Variants in BLTP1 observed in about 807,000 individuals in gnomAD.
The protein encoded by BLTP1 is fragile site-associated protein.
the BLTP1 span, chr4:122,182,672 C>T: frequency 5.1e-5 from 50 of 985,338 alleles, no homozygotes; most frequent in South Asian, 2.2e-3. Context: ...AAACCATGAC[C>T]CTGTTGGGAC....
the BLTP1 span, chr4:122,173,324 G>A: frequency 4.6e-6 from 1 of 219,042 alleles, no homozygotes; most frequent in Non-Finnish European, 7.7e-6. Flanking sequence ...GGTGCATCTG[G>A]TAAGGACCTT....
the BLTP1 span, chr4:122,152,886 G>C: frequency 1.7e-6 from 1 of 592,460 alleles, no homozygotes; most frequent in African/African-American, 2.0e-5. Context: ...GACTCGGCAG[G>C]AAGGACCGTG....
the BLTP1 span, chr4:122,334,372 C>T: frequency 1.2e-6 from 2 of 1,603,894 alleles, no homozygotes; most frequent in Admixed American, 3.3e-5. Flanking sequence ...ACGCTAAAGA[C>T]TGAATCACCT....
At chr4:122,348,171 G>C in the BLTP1 span, among the ~76,000 whole-genome samples, 1 of 152,106 alleles carries the variant, frequency 6.6e-6, no homozygotes, top group Non-Finnish European at 1.5e-5. Flanking sequence ...ACAAAAGACA[G>C]GCACCCCAAC....
chr4:122,289,186 G>A, the BLTP1 span: 1 of 1,604,288 alleles, frequency 6.2e-7, no homozygotes, highest in Non-Finnish European at 8.5e-7. Context: ...AATACAAAAA[G>A]TTTCTGGTAA....
At chr4:122,215,276 A>T in the BLTP1 span, 1 of 799,260 alleles carries the variant, frequency 1.3e-6, no homozygotes, top group Non-Finnish European at 1.5e-6. Context: ...ACCCAAGGGT[A>T]TCTTTTTTCT....
chr4:122,175,913 T>C, the BLTP1 span: 1 of 1,384,538 alleles, frequency 7.2e-7, no homozygotes, highest in Admixed American at 1.7e-5. Flanking sequence ...AGAAGCAACA[T>C]GGTGAGTTTT....
At chr4:122,276,719 A>G in the BLTP1 span, 5 of 915,718 alleles carry the variant, frequency 5.5e-6, no homozygotes, top group Admixed American at 6.2e-5. Flanking sequence ...GACTAGGCCA[A>G]TTCCGTAAAC....
At chr4:122,195,792 C>T in the BLTP1 span, 1 of 315,868 alleles carries the variant, frequency 3.2e-6, no homozygotes, top group African/African-American at 2.2e-5. Flanking sequence ...TTAACGGTAG[C>T]AAGTTAAAGT....
chr4:122,357,055 A>G, the BLTP1 span: 3 of 981,330 alleles, frequency 3.1e-6, no homozygotes, highest in Non-Finnish European at 3.6e-6. Context: ...ACTGCAAATC[A>G]AAGTGAAATG....
the BLTP1 span, chr4:122,189,678 C>G: frequency 1.1e-6 from 1 of 921,508 alleles, no homozygotes; most frequent in Non-Finnish European, 1.3e-6. Flanking sequence ...CGATTTCTCT[C>G]ATTCAAAACT....
At chr4:122,260,307 A>G in the BLTP1 span, among the ~76,000 whole-genome samples, 1 of 152,206 alleles carries the variant, frequency 6.6e-6, no homozygotes, top group African/African-American at 2.4e-5. Flanking sequence ...CTTAAACTGT[A>G]ATTATGTGGC....
At chr4:122,281,619 CAAATGAATTTCCTCAGCTACCAG>C in the BLTP1 span, 1 of 1,613,174 alleles carries the variant, frequency 6.2e-7, no homozygotes, top group Non-Finnish European at 8.5e-7. Flanking sequence ...CCTGTTGAAA[CAAATGAATTTCCTCAGCTACCAG>C]AAGGCTTAGA....
At chr4:122,199,321 G>GT in the BLTP1 span, 9 of 1,601,718 alleles carry the variant, frequency 5.6e-6, no homozygotes, top group Middle Eastern at 1.7e-4. Flanking sequence ...TTTTGTAATT[G>GT]TTTTCCTGGT....
At chr4:122,200,577 T>TCCAAA in the BLTP1 span, 1 of 469,964 alleles carries the variant, frequency 2.1e-6, no homozygotes, top group African/African-American at 4.3e-5. Context: ...AGACTCCGTC[T>TCCAAA]CAAAACAAAA....
At chr4:122,163,869 A>T in the BLTP1 span, among the ~76,000 whole-genome samples, 1 of 152,276 alleles carries the variant, frequency 6.6e-6, no homozygotes, top group African/African-American at 2.4e-5. Context: ...TTTTGATTCT[A>T]CTGTTGTTCC....
the BLTP1 span, among the ~76,000 whole-genome samples, chr4:122,288,098 G>A: frequency 6.6e-6 from 1 of 152,042 alleles, no homozygotes; most frequent in Non-Finnish European, 1.5e-5. Context: ...ATTTTACTAT[G>A]GCCTGAAATA....
At chr4:122,277,089 A>C in the BLTP1 span, 1 of 984,670 alleles carries the variant, frequency 1.0e-6, no homozygotes, top group Non-Finnish European at 1.2e-6. Context: ...TTTATATTAG[A>C]AGTTATTGGA....
At chr4:122,218,470 C>G in the BLTP1 span, among the ~76,000 whole-genome samples, 1 of 152,170 alleles carries the variant, frequency 6.6e-6, no homozygotes, top group African/African-American at 2.4e-5. Flanking sequence ...AACTGTATGA[C>G]TTTAAGCCCT....
Sources: gnomAD v4.1 joint callset for allele counts (sites outside exome capture counted in the v4.1 genomes callset) on GRCh38, gnomAD v4.1.1 for gene constraint, MANE v1.5 for transcripts, NCBI Gene and HGNC (gene_info 2026-07-23, HGNC 2026-07-21) for gene names.